The following SLC14A2 variants were observed in gnomAD, a reference collection of about 807,000 sequenced individuals.
The protein encoded by SLC14A2 is solute carrier family 14 member 2.
A neutral mutation model predicts 104.6 loss-of-function variants in SLC14A2; 91 were observed. The ratio of observed to expected loss-of-function variants is 0.87; its 90% CI spans 0.73 to 1.04. The LOEUF (loss-of-function observed/expected upper bound fraction) is 1.04, where lower values mean the gene tolerates loss of function less well. SLC14A2 is among the 50% of genes least tolerant of loss of function. SLC14A2 has a pLI of 0.00. For missense variants in SLC14A2, 1,189 were observed against 1,156.0 expected, an observed-to-expected ratio of 1.03 and a Z score of -0.41; for synonymous variants, 476 against 466.4, an observed-to-expected ratio of 1.02 and a Z score of -0.27.
At chr18:45,488,148 T>C (rs1241003258) in intron 2 of SLC14A2, among the ~76,000 whole-genome samples, 1 of 152,174 alleles carries the variant, frequency 6.6e-6, no homozygotes, top group Non-Finnish European at 1.5e-5. Context: ...AAATGAGGTA[T>C]GGCCTTGAAG....
At chr18:45,211,778 AAAAG>A (rs1428515463), upstream of SLC14A2, among the ~76,000 whole-genome samples, 2 of 152,174 alleles carry the variant, frequency 1.3e-5, no homozygotes, top group East Asian at 1.9e-4. Context: ...TTTCTGTACA[AAAAG>A]AAAATTAAAA....
At chr18:45,545,021 C>T (rs1205070294) in intron 2 of SLC14A2, among the ~76,000 whole-genome samples, 1 of 151,964 alleles carries the variant, frequency 6.6e-6, no homozygotes, top group East Asian at 1.9e-4. Context: ...CTCGAACTCC[C>T]GACCTCAGGT....
intron 19 of SLC14A2, among the ~76,000 whole-genome samples, chr18:45,680,569 G>A (rs2046297443): frequency 6.6e-6 from 1 of 152,158 alleles, no homozygotes; most frequent in South Asian, 2.1e-4. Context: ...CATAGGAGCT[G>A]TACTCTTTTG....
the SLC14A2 span, among the ~76,000 whole-genome samples, chr18:45,200,357 C>T: frequency 1.3e-5 from 2 of 152,112 alleles, no homozygotes; most frequent in East Asian, 3.9e-4. Flanking sequence ...TTTTGATGTT[C>T]AAAATGGAGA....
intron 2 of SLC14A2, chr18:45,485,034 A>T (rs2087573622): frequency 6.6e-6 from 1 of 152,216 alleles, no homozygotes; most frequent in South Asian, 2.1e-4. Flanking sequence ...CTACTGCCAA[A>T]GATAAAATCA....
intron 1 of SLC14A2, among the ~76,000 whole-genome samples, chr18:45,370,611 G>T (rs1331622025): frequency 6.6e-6 from 1 of 152,132 alleles, no homozygotes; most frequent in Non-Finnish European, 1.5e-5. Flanking sequence ...ATTTTTGCAG[G>T]TTTGCAAAAT....
rs1454677385 is a variant in SLC14A2, at chr18:45,362,767, G to A, written c.-124-120466G>A. ...GGTATAGCATCACTCACACTGCATA[G>A]CTGCTGCTGCAGAAACTTTTATCCT... On this transcript the variant is annotated intron_variant, in intron 1 of 20. Transcript: ENST00000586448. Among the ~76,000 whole-genome samples the A allele has an allele frequency of 2.0e-5, 3 of 152,350 alleles. No individual in the cohort carries two copies. The South Asian group carries it at 6.2e-4, about 32-fold the overall frequency.
intron 2 of SLC14A2, among the ~76,000 whole-genome samples, chr18:45,532,976 T>C (rs1329041361): frequency 1.3e-5 from 2 of 152,264 alleles, no homozygotes; most frequent in African/African-American, 4.8e-5. Context: ...TTGTCTTTGG[T>C]TCTGTTTATA....
chr18:45,414,401 C>T (rs748500861), intron 1 of SLC14A2, among the ~76,000 whole-genome samples: 7 of 152,116 alleles, frequency 4.6e-5, no homozygotes, highest in Non-Finnish European at 7.4e-5. Flanking sequence ...GAATAATGAA[C>T]TGTTTGGGAA....
At position 45,570,229 on chromosome 18, in the gene SLC14A2, T is replaced by TGTCA. The variant is rs952935512; in HGVS notation, c.-34-54401_-34-54398dup. On this transcript the variant is annotated intron_variant, in intron 2 of 20. Coordinates refer to the SLC14A2 transcript ENST00000586448. ...CTAATTTTCCATGTGACTTTAAACCTGTCACTCAACCACCCTGGGCTACCC... is the reference window on the plus strand; with the variant it reads ...CTAATTTTCCATGTGACTTTAAACCTGTCAGTCACTCAACCACCCTGGGCTACCC... 4.6e-5 allele frequency among the ~76,000 whole-genome samples: 7 copies of TGTCA among 152,302 alleles called. No homozygotes were observed. The East Asian group carries it at 7.7e-4, about 17-fold the overall frequency.
chr18:45,263,593 T>G (rs2084561618), intron 1 of SLC14A2, among the ~76,000 whole-genome samples: 1 of 152,172 alleles, frequency 6.6e-6, no homozygotes, highest in African/African-American at 2.4e-5. Context: ...GATTCCTTAT[T>G]TCCCTCATTT....
chr18:45,309,961 T>C (rs1468790911), intron 1 of SLC14A2, among the ~76,000 whole-genome samples: 1 of 151,364 alleles, frequency 6.6e-6, no homozygotes, highest in Non-Finnish European at 1.5e-5. Flanking sequence ...TTAAATTTCA[T>C]AGCTGTCTAT....
chr18:45,436,337 C>G (rs1679874365), intron 1 of SLC14A2, among the ~76,000 whole-genome samples: 1 of 152,226 alleles, frequency 6.6e-6, no homozygotes, highest in Non-Finnish European at 1.5e-5. Flanking sequence ...ACCACCTTCT[C>G]TGTCCTTTGA....
At chr18:45,302,752 G>T (rs949962731) in intron 1 of SLC14A2, among the ~76,000 whole-genome samples, 2 of 152,172 alleles carry the variant, frequency 1.3e-5, no homozygotes, top group Non-Finnish European at 2.9e-5. Flanking sequence ...GAATATATTA[G>T]ATGCCATCTT....
At chr18:45,209,479 C>G (rs1442273576), upstream of SLC14A2, among the ~76,000 whole-genome samples, 1 of 151,570 alleles carries the variant, frequency 6.6e-6, no homozygotes, top group East Asian at 1.9e-4. Flanking sequence ...TTTTTAATTT[C>G]TGAAAGGATG....
intron 2 of SLC14A2, among the ~76,000 whole-genome samples, chr18:45,535,088 C>A (rs1010586770): frequency 2.6e-5 from 4 of 151,858 alleles, no homozygotes; most frequent in East Asian, 3.9e-4. Context: ...AAGAGGCAAC[C>A]AAAAAGCTCT....
At chr18:45,656,968 T>A (rs1368415583) in intron 10 of SLC14A2, among the ~76,000 whole-genome samples, 1 of 152,218 alleles carries the variant, frequency 6.6e-6, no homozygotes, top group Non-Finnish European at 1.5e-5. Context: ...ATTAAGAAGT[T>A]GAGCCTTCCA....
chr18:45,258,647 G>A (rs1490236049), intron 1 of SLC14A2, among the ~76,000 whole-genome samples: 1 of 143,020 alleles, frequency 7.0e-6, no homozygotes, highest in African/African-American at 2.7e-5. Flanking sequence ...AATTGATTTG[G>A]ATGACCATTT....
At chr18:45,432,949 C>T (rs2086540042) in intron 1 of SLC14A2, among the ~76,000 whole-genome samples, 1 of 152,040 alleles carries the variant, frequency 6.6e-6, no homozygotes, top group South Asian at 2.1e-4. Flanking sequence ...AAATGAGAGC[C>T]CAAAGGCCTA....
Sources: allele counts gnomAD v4.1 joint callset (sites outside exome capture counted in the v4.1 genomes callset), GRCh38; gene constraint gnomAD v4.1.1; transcripts MANE v1.5; gene names NCBI Gene and HGNC (gene_info 2026-07-23, HGNC 2026-07-21).